GMDS: variants seen among roughly 807,000 people sequenced by gnomAD.
GMDS encodes the protein GDP-mannose 4,6-dehydratase, also known as GDP-mannose 4,6 dehydratase.
In GMDS, 20 loss-of-function variants were observed where a neutral mutation model predicts 49.9. The observed-to-expected ratio is 0.40, with a 90% CI of 0.28 to 0.58. The LOEUF is 0.58. Among genes scored for constraint, GMDS ranks in the 20% least tolerant of loss-of-function variants. The probability of loss-of-function intolerance (pLI) is 0.42; values close to 1 mark genes in which losing one functional copy is unlikely to be tolerated. For synonymous variants in GMDS, 177 were observed against 178.6 expected (o/e 0.99, Z 0.07); for missense variants, 362 against 481.4 (o/e 0.75, Z 2.32).
intron 4 of GMDS, among the ~76,000 whole-genome samples, chr6:1,994,792 A>G (rs1766174356): frequency 6.6e-6 from 1 of 152,100 alleles, no homozygotes; most frequent in African/African-American, 2.4e-5. Flanking sequence ...ATGGCCTGCA[A>G]AGACACAACA....
chr6:1,914,771 C>A (rs969580507), intron 7 of GMDS, among the ~76,000 whole-genome samples: 1 of 152,196 alleles, frequency 6.6e-6, no homozygotes, highest in South Asian at 2.1e-4. Flanking sequence ...GCCCAACTAC[C>A]CATCATTCTT....
intron 1 of GMDS, among the ~76,000 whole-genome samples, chr6:2,234,477 C>T (rs1182327324): frequency 6.6e-6 from 1 of 151,972 alleles, no homozygotes; most frequent in African/African-American, 2.4e-5. Flanking sequence ...GGCATGGTAG[C>T]GGGTGCCTGT....
At chr6:2,240,994 T>C (rs1317604228) in intron 1 of GMDS, among the ~76,000 whole-genome samples, 2 of 152,114 alleles carry the variant, frequency 1.3e-5, no homozygotes, top group African/African-American at 4.8e-5. Context: ...GCTAAAGAGG[T>C]TGGCATGGAT....
In GMDS at chr6:1,640,821, G is replaced by T. The variant is rs183653907; in HGVS notation, c.988-16281C>A. Among the ~76,000 whole-genome samples, 1 of 152,144 alleles carries T rather than the reference G, an allele frequency of 6.6e-6. No homozygotes were observed. Among genetic ancestry groups the T allele is most frequent in the Non-Finnish European group, 1.5e-5 (1 of 68,024 alleles). ...TAAAAAGAAAATTGGGTAATGGGGG[G>T]GGTCACGAATGCCAACACGGTACTG... is the stretch of plus-strand genomic sequence containing the variant. On this transcript the variant is annotated intron_variant, in intron 9 of 10. Coordinates refer to ENST00000380815, the MANE Select transcript of GMDS (RefSeq NM_001500.4). This position sits in a 1 kb window ranked among gnomAD's most constrained non-coding sequence, Gnocchi z 4.0.
intron 9 of GMDS, chr6:1,626,308 A>G: frequency 6.6e-6 from 1 of 152,250 alleles, no homozygotes; most frequent in East Asian, 1.9e-4. Flanking sequence ...GAGTGTTAAT[A>G]GTACTAAAAC....
At chr6:2,121,245 T>C (rs1166594355) in intron 2 of GMDS, among the ~76,000 whole-genome samples, 1 of 152,192 alleles carries the variant, frequency 6.6e-6, no homozygotes, top group African/African-American at 2.4e-5. Flanking sequence ...AGAATGATCC[T>C]CTGCACTTCA....
At chr6:2,017,971 G>A (rs1768014898) in intron 4 of GMDS, among the ~76,000 whole-genome samples, 1 of 152,092 alleles carries the variant, frequency 6.6e-6, no homozygotes, top group Admixed American at 6.6e-5. Context: ...AGCTTATCTT[G>A]TTTTTTAAAA....
rs1369546835 is a variant in GMDS at position 1,640,748 on chromosome 6, A to C, written c.988-16208T>G. On this transcript the variant is annotated intron_variant, in intron 9 of 10. Coordinates refer to ENST00000380815, the MANE Select transcript of GMDS (RefSeq NM_001500.4). This position sits in a 1 kb window ranked among gnomAD's most constrained non-coding sequence, Gnocchi z 4.0. ...CATGTTCTACTGTGGGGGCACTGTC[A>C]GTAAACAGGCAATCAAGGAAACAAT... Among the ~76,000 whole-genome samples, 9 of 152,224 alleles carry C rather than the reference A, an allele frequency of 5.9e-5. No individual in the cohort carries two copies. Among genetic ancestry groups the C allele is most frequent in the African/African-American group, 2.2e-4 (9 of 41,472 alleles).
chr6:1,908,875 C>G (rs906914874), intron 7 of GMDS, among the ~76,000 whole-genome samples: 1 of 152,162 alleles, frequency 6.6e-6, no homozygotes, highest in Non-Finnish European at 1.5e-5. Context: ...CAGGTCTGCA[C>G]CTGACTCACG....
intron 1 of GMDS, among the ~76,000 whole-genome samples, chr6:2,206,033 C>A (rs1458958831): frequency 6.6e-6 from 1 of 152,062 alleles, no homozygotes; most frequent in Non-Finnish European, 1.5e-5. Flanking sequence ...CCAAGGCGGG[C>A]AGATCACCCA....
intron 1 of GMDS, among the ~76,000 whole-genome samples, chr6:2,127,544 G>T (rs765688498): frequency 6.6e-6 from 1 of 152,204 alleles, no homozygotes; most frequent in Non-Finnish European, 1.5e-5. Flanking sequence ...TCTCACCCAG[G>T]CTGCTTCTCA....
At chr6:1,958,177 T>G (rs1374894772) in intron 6 of GMDS, among the ~76,000 whole-genome samples, 1 of 151,806 alleles carries the variant, frequency 6.6e-6, no homozygotes, top group African/African-American at 2.4e-5. Flanking sequence ...TAAGTTCTCA[T>G]TAGGAGGTAC....
chr6:1,914,102 G>A (rs1466585383), intron 7 of GMDS, among the ~76,000 whole-genome samples: 1 of 135,398 alleles, frequency 7.4e-6, no homozygotes, highest in Non-Finnish European at 1.6e-5. Flanking sequence ...TAGAACGTGT[G>A]TCAATTATCA....
chr6:2,190,815 G>A (rs1016887699), intron 1 of GMDS, among the ~76,000 whole-genome samples: 3 of 152,178 alleles, frequency 2.0e-5, no homozygotes, highest in Non-Finnish European at 2.9e-5. Flanking sequence ...GGCGGGAGGC[G>A]GCAGCAGGAG....
chr6:1,869,974 G>A (rs921397082), intron 7 of GMDS, among the ~76,000 whole-genome samples: 1 of 152,232 alleles, frequency 6.6e-6, no homozygotes, highest in African/African-American at 2.4e-5. Flanking sequence ...CAGCTGAGAC[G>A]GCTCAGACCA....
At chr6:1,789,941 T>C (rs1388980338) in intron 7 of GMDS, among the ~76,000 whole-genome samples, 4 of 152,236 alleles carry the variant, frequency 2.6e-5, no homozygotes, top group Non-Finnish European at 4.4e-5. Flanking sequence ...ACACTTATAT[T>C]TATGAGCCTC....
chr6:1,747,704 G>A (rs1581133972), intron 7 of GMDS, among the ~76,000 whole-genome samples: 1 of 152,150 alleles, frequency 6.6e-6, no homozygotes, highest in East Asian at 1.9e-4. Context: ...TTTGAGTCAG[G>A]ACCTCCAGTA....
chr6:1,835,231 G>A (rs916743809), intron 7 of GMDS, among the ~76,000 whole-genome samples: 1 of 152,176 alleles, frequency 6.6e-6, no homozygotes, highest in Non-Finnish European at 1.5e-5. Flanking sequence ...CCCTAAGGCA[G>A]CCAGAAGAAG....
intron 4 of GMDS, among the ~76,000 whole-genome samples, chr6:1,991,717 G>T (rs1479199933): frequency 6.6e-6 from 1 of 152,182 alleles, no homozygotes; most frequent in South Asian, 2.1e-4. Context: ...GGATTGAACA[G>T]TGTCCCCCCA....
Sources: gnomAD v4.1 joint callset for allele counts (sites outside exome capture counted in the v4.1 genomes callset) on GRCh38, gnomAD v4.1.1 for gene constraint, Gnocchi (gnomAD v3.1) non-coding constraint, MANE v1.5 for transcripts, NCBI Gene and HGNC (gene_info 2026-07-23, HGNC 2026-07-21) for gene names.